SMPD3: variants seen among roughly 807,000 people sequenced by gnomAD.
The protein encoded by SMPD3 is sphingomyelin phosphodiesterase 3, also known as nSMase-2.
Under a neutral mutation model 55.7 loss-of-function variants are expected in SMPD3, and 21 were observed. The observed-to-expected ratio is 0.38, with a 90% confidence interval of 0.27 to 0.54. SMPD3 has a LOEUF of 0.54. Among genes scored for constraint, SMPD3 ranks in the 20% least tolerant of loss-of-function variants. SMPD3 has a pLI of 0.80. For synonymous variants in SMPD3, 457 were observed against 404.3 expected (o/e 1.13, Z -1.56); for missense variants, 842 against 899.6 (o/e 0.94, Z 0.82).
intron 1 of SMPD3, among the ~76,000 whole-genome samples, chr16:68,391,833 C>G (rs1476538916): frequency 6.6e-6 from 1 of 152,202 alleles, no homozygotes; most frequent in Non-Finnish European, 1.5e-5. Flanking sequence ...CAGATGGAGG[C>G]TCTAAGGAAG....
chr16:68,366,631 C>T lies in SMPD3; in HGVS notation c.1324-1539G>A, dbSNP rs78972832. On this transcript the variant is annotated intron_variant, in intron 3 of 8. Transcript: ENST00000219334. ...CTGTAATCCCAGTACTTTGGGAGGC[C>T]GAGGCAAGTGGATCACCTGAGTTCA... Among the ~76,000 whole-genome samples the T allele has an allele frequency of 1.4e-3, 215 of 152,236 alleles. 2 individuals carry two copies. Among genetic ancestry groups the T allele is most frequent in the African/African-American group, 3.4e-3 (141 of 41,524 alleles).
chr16:68,372,286 G>T lies in SMPD3; in HGVS notation c.-105C>A. On this transcript the variant is annotated 5_prime_UTR_variant, in exon 3 of 9. Transcript: ENST00000219334. Reference sequence around the variant, plus strand: ...GCGAGTTGGGGGCAGCTGGAGGAGGGGTCACCTCCTGGCGAGATGCAACTC... The same window carrying T: ...GCGAGTTGGGGGCAGCTGGAGGAGGTGTCACCTCCTGGCGAGATGCAACTC... 7.0e-7 allele frequency: 1 copy of T among 1,435,908 alleles called. No individual in the cohort carries two copies. The highest frequency in any genetic ancestry group is 9.5e-7 in the Non-Finnish European group (1 of 1,052,730). The allele number at this position is 1,435,908 out of a possible 1,614,324, so 88.9% of individuals were successfully genotyped here.
At chr16:68,418,999 G>C (rs549432622) in intron 1 of SMPD3, among the ~76,000 whole-genome samples, 1 of 152,292 alleles carries the variant, frequency 6.6e-6, no homozygotes, top group East Asian at 1.9e-4. Context: ...ACAGGATGGA[G>C]AGAGTGTGGC....
rs570903277 is a variant in SMPD3 at position 68,371,159 on chromosome 16, G to A, written c.1023C>T (p.Pro341=). 5.6e-6 allele frequency: 9 copies of A among 1,613,534 alleles called. No individual in the cohort carries two copies. Among genetic ancestry groups the A allele is most frequent in the African/African-American group, 5.3e-5 (4 of 75,068 alleles). The change falls in exon 3 of 9, where the codon CCC becomes CCT. Residue 341 remains proline (P), a synonymous_variant. Coordinates refer to ENST00000219334, the MANE Select transcript of SMPD3 (RefSeq NM_018667.4). ...AGACCTCATGGTCGAAGGCCTCGTC[G>A]GGGTGCCGCCTCCTGCGTGCAGCCG... is the stretch of plus-strand genomic sequence containing the variant. ...KKAAARRRRH[P]DEAFDHEVSA...
chr16:68,400,933 C>T (rs867782100), intron 1 of SMPD3, among the ~76,000 whole-genome samples: 1 of 152,242 alleles, frequency 6.6e-6, no homozygotes, highest in African/African-American at 2.4e-5. Flanking sequence ...AGAGGCCAAA[C>T]AATAATCAGA....
intron 1 of SMPD3, among the ~76,000 whole-genome samples, chr16:68,419,534 A>G (rs2090371913): frequency 6.6e-6 from 1 of 152,214 alleles, no homozygotes; most frequent in Non-Finnish European, 1.5e-5. Context: ...AGCATCCAAC[A>G]TCTGTTGACT....
intron 1 of SMPD3, among the ~76,000 whole-genome samples, chr16:68,419,756 A>G (rs955434864): frequency 2.0e-5 from 3 of 152,220 alleles, no homozygotes; most frequent in African/African-American, 7.2e-5. Flanking sequence ...GATGACAACC[A>G]TAATGAAGCC....
intron 6 of SMPD3, 95 bp from the exon 7 acceptor site, chr16:68,363,654 G>C: frequency 1.4e-6 from 2 of 1,449,702 alleles, no homozygotes; most frequent in Non-Finnish European, 1.9e-6. Context: ...GCTTCTGCTA[G>C]CCAGGGGCAG....
At chr16:68,409,915 T>C (rs547538583) in intron 1 of SMPD3, among the ~76,000 whole-genome samples, 1 of 152,306 alleles carries the variant, frequency 6.6e-6, no homozygotes, top group South Asian at 2.1e-4. Flanking sequence ...TATCCTGTCC[T>C]GGGGATGAGA....
At chr16:68,440,132 A>G (rs370090817) in intron 1 of SMPD3, among the ~76,000 whole-genome samples, 4 of 152,030 alleles carry the variant, frequency 2.6e-5, no homozygotes, top group East Asian at 3.8e-4. Context: ...CTGAATAAGG[A>G]TGGGGAATGA....
rs757938956 is a variant in SMPD3 at position 68,363,534 on chromosome 16, C to T, written c.1671G>A (p.Leu557=). Residue 557 remains leucine (L), a synonymous_variant, in exon 7 of 9, where the codon CTG becomes CTA. Coordinates refer to ENST00000219334, the MANE Select transcript of SMPD3 (RefSeq NM_018667.4). ...AIGTLLDTNG[L]YDEDVCTPDN... Reference sequence around the variant, plus strand: ...CGGGGGTGCACACATCCTCATCGTACAGGCCGTTCGTGTCCAGCAGAGTAC... The same window carrying T: ...CGGGGGTGCACACATCCTCATCGTATAGGCCGTTCGTGTCCAGCAGAGTAC... The T allele has an allele frequency of 5.0e-6, 8 of 1,613,858 alleles. No individual in the cohort carries two copies. Among genetic ancestry groups the T allele is most frequent in the Non-Finnish European group, 6.8e-6 (8 of 1,180,014 alleles).
rs967254049 is a variant in SMPD3, at chr16:68,365,213, A to G, written c.1324-121T>C. ...CCTCACAAGCCTGGCTCCTGGCTGGATTCTGGGGTCCGAGTAGGGACAGGA... is the reference window on the plus strand; with the variant it reads ...CCTCACAAGCCTGGCTCCTGGCTGGGTTCTGGGGTCCGAGTAGGGACAGGA... On this transcript the variant is annotated intron_variant, in intron 3 of 8. Transcript: ENST00000219334. 3.1e-6 allele frequency: 3 copies of G among 974,814 alleles called. No homozygotes were observed. The Admixed American group carries it at 6.2e-5, about 20-fold the overall frequency. The allele number at this position is 974,814 out of a possible 1,614,324, so 60.4% of individuals were successfully genotyped here. A position where few individuals can be genotyped will look rare whatever the true frequency, so the allele number is the denominator to read the frequency against.
intron 3 of SMPD3, 35 bp from the exon 4 acceptor site, chr16:68,365,127 A>G: frequency 6.2e-7 from 1 of 1,609,032 alleles, no homozygotes; most frequent in African/African-American, 1.3e-5. Context: ...GCCACCTGCC[A>G]GTCACTGTGG....
rs143615161 is a variant in SMPD3, at chr16:68,418,226, G to A, written c.-269+30127C>T. 5.3e-3 allele frequency among the ~76,000 whole-genome samples: 805 copies of A among 152,242 alleles called. 11 individuals carry two copies. The highest frequency in any genetic ancestry group is 0.018 in the African/African-American group (749 of 41,520). ...TGCAGCTCACAGCAGACGGTGTGCC[G>A]CAGCAGAAGGTCCCGTGTAGATGCC... On this transcript the variant is annotated intron_variant, in intron 1 of 8. Transcript: ENST00000219334.
Position 68,386,615 on chromosome 16 carries a change from G to A in SMPD3, c.-224C>T, listed in dbSNP as rs572391250. On this transcript the variant is annotated 5_prime_UTR_variant, in exon 2 of 9. Coordinates refer to ENST00000219334, the MANE Select transcript of SMPD3 (RefSeq NM_018667.4). ...GGTTTTACCTGAGGAGGGGCCACTG[G>A]GACCTTGTTGTCCTTCTCTCTGAAG... 6.6e-6 allele frequency: 1 copy of A among 150,968 alleles called. No individual in the cohort carries two copies. The highest frequency in any genetic ancestry group is 2.4e-5 in the African/African-American group (1 of 41,144). 9.4% of individuals were successfully genotyped at this position (150,968 alleles called of 1,614,324 possible).
intron 1 of SMPD3, among the ~76,000 whole-genome samples, chr16:68,401,122 C>T (rs9937560): frequency 5.3e-5 from 8 of 152,078 alleles, no homozygotes; most frequent in East Asian, 1.9e-4. Context: ...GGCCAGCATC[C>T]GTGAGTGTCA....
chr16:68,365,294 A>G (rs1324589033), intron 3 of SMPD3, among the ~76,000 whole-genome samples: 2 of 152,116 alleles, frequency 1.3e-5, no homozygotes, highest in Admixed American at 1.3e-4. Flanking sequence ...GCTGAAAGAA[A>G]CTATTGGCCT....
At chr16:68,389,337 A>G (rs571365231) in intron 1 of SMPD3, among the ~76,000 whole-genome samples, 1 of 152,300 alleles carries the variant, frequency 6.6e-6, no homozygotes, top group African/African-American at 2.4e-5. Flanking sequence ...AAGACCACAG[A>G]CCAGTACCTG....
At chr16:68,432,204 G>C (rs1435069924) in intron 1 of SMPD3, among the ~76,000 whole-genome samples, 1 of 152,124 alleles carries the variant, frequency 6.6e-6, no homozygotes, top group East Asian at 1.9e-4. Context: ...CTTTTGAAAA[G>C]AGGAGATTGC....
Sources: gnomAD v4.1 joint callset for allele counts (sites outside exome capture counted in the v4.1 genomes callset) on GRCh38, gnomAD v4.1.1 for gene constraint, MANE v1.5 for transcripts, NCBI Gene and HGNC (gene_info 2026-07-23, HGNC 2026-07-21) for gene names.